UHMK1: variants seen among roughly 807,000 people sequenced by gnomAD.
UHMK1 encodes the protein U2AF homology motif kinase 1.
A neutral mutation model predicts 44.0 loss-of-function variants in UHMK1; 18 were observed. The observed-to-expected ratio is 0.41, with a 90% confidence interval of 0.28 to 0.61. UHMK1 has a LOEUF of 0.61. Among genes scored for constraint, UHMK1 ranks in the 20% least tolerant of loss-of-function variants. UHMK1 has a pLI of 0.31. For missense variants in UHMK1, 463 were observed against 522.5 expected (o/e 0.89, Z 1.11); for synonymous variants, 231 against 198.5 (o/e 1.16, Z -1.38).
In UHMK1 at chr1:162,525,409, C is replaced by T. The variant is rs1303627743; in HGVS notation, c.*2859C>T. On this transcript the variant is annotated 3_prime_UTR_variant, in exon 8 of 8. Transcript: ENST00000489294. ...TTCCCTAAATTAATACCTGTGCTTC[C>T]TTGCCTCTCACCTTCCCAGTTACTT... is the stretch of plus-strand genomic sequence containing the variant. 6.6e-6 allele frequency: 1 copy of T among 152,096 alleles called. No individual in the cohort carries two copies. The highest frequency in any genetic ancestry group is 2.4e-5 in the African/African-American group (1 of 41,388). The allele number at this position is 152,096 out of a possible 1,614,324, so 9.4% of individuals were successfully genotyped here.
intron 4 of UHMK1, among the ~76,000 whole-genome samples, chr1:162,508,382 G>C (rs1651551376): frequency 6.6e-6 from 1 of 151,710 alleles, no homozygotes; most frequent in African/African-American, 2.4e-5. Flanking sequence ...AAAGTGCTGG[G>C]ATTATGAGCG....
At chr1:162,522,345 G>A (rs902554126) in intron 7 of UHMK1, 59 bp from the exon 8 acceptor site, 73 of 1,581,902 alleles carry the variant, frequency 4.6e-5, no homozygotes, top group Non-Finnish European at 6.2e-5. Flanking sequence ...AGGTGGTAAA[G>A]CACTGGTCTA....
At position 162,527,407 on chromosome 1, in the gene UHMK1, GTATT is replaced by G. The variant is rs762542883; in HGVS notation, c.*4860_*4863del. On this transcript the variant is annotated 3_prime_UTR_variant, in exon 8 of 8. Transcript: ENST00000489294. ...AAGAGAAATATCTATAAATCAGAGA[GTATT>G]TAGGAAACTTTGTATTTTATAGGTG... The G allele has an allele frequency of 7.2e-5, 11 of 152,170 alleles. No individual in the cohort carries two copies. The highest frequency in any genetic ancestry group is 1.6e-4 in the Non-Finnish European group (11 of 67,926). The allele number at this position is 152,170 out of a possible 1,614,324, so 9.4% of individuals were successfully genotyped here.
At position 162,498,279 on chromosome 1, in the gene UHMK1, C is replaced by T; in HGVS notation, c.268+11C>T. ...GTCACAGAAACATCGGTAATTGCCG[C>T]TGTCTCCTTTCTCTTCTTGCCCAGG... On this transcript the variant is annotated intron_variant, in intron 1 of 7. Transcript: ENST00000489294. The T allele has an allele frequency of 1.3e-6, 2 of 1,573,982 alleles. No individual in the cohort carries two copies. The highest frequency in any genetic ancestry group is 2.3e-5 in the South Asian group (2 of 85,756).
intron 4 of UHMK1, among the ~76,000 whole-genome samples, chr1:162,504,541 A>G (rs12081867): frequency 0.012 from 1,782 of 152,308 alleles, 39 homozygotes; most frequent in African/African-American, 0.04. Context: ...TTGTAATACA[A>G]TGGTAAGTAT....
intron 3 of UHMK1, among the ~76,000 whole-genome samples, chr1:162,503,235 A>AT (rs1651343301): frequency 6.7e-6 from 1 of 148,386 alleles, no homozygotes; most frequent in Non-Finnish European, 1.5e-5. Context: ...AGATGTTCAT[A>AT]GAGTGCTAGG....
intron 4 of UHMK1, among the ~76,000 whole-genome samples, chr1:162,504,052 C>T (rs1249804419): frequency 6.6e-6 from 1 of 152,138 alleles, no homozygotes; most frequent in Non-Finnish European, 1.5e-5. Flanking sequence ...TGCCTTTTCA[C>T]TGGAAGATAG....
At chr1:162,500,335 G>A (rs1651222501) in intron 2 of UHMK1, 88 bp downstream of exon 2, 1 of 1,416,680 alleles carries the variant, frequency 7.1e-7, no homozygotes, top group Non-Finnish European at 9.4e-7. Flanking sequence ...AGTTTAGTAG[G>A]GGCTTACAAG....
rs777113900 is a variant in UHMK1 at position 162,500,005 on chromosome 1, C to T, written c.319C>T (p.Arg107Cys). 6 of 1,614,094 alleles carry T rather than the reference C, an allele frequency of 3.7e-6. No homozygotes were observed. In the African/African-American group the frequency reaches 4.0e-5, roughly 11 times the overall value. Residue 107 changes from arginine to cysteine, a missense_variant, in exon 2 of 8, where the codon CGC (arginine) becomes TGC (cysteine). Coordinates refer to ENST00000489294, the MANE Select transcript of UHMK1 (RefSeq NM_175866.5). ...CCACTTTTCTCCAAATGTGCCATCA[C>T]GCTGTCTGTTGCTTGAACTCCTGGA... ...TIHFSPNVPSRCLLLELLDVS... is the reference protein window; with the variant it reads ...TIHFSPNVPSCCLLLELLDVS...
chr1:162,500,901 C>T lies in UHMK1; in HGVS notation c.562-12C>T, dbSNP rs1401906466. The T allele has an allele frequency of 6.2e-7, 1 of 1,606,188 alleles. No homozygotes were observed. Among genetic ancestry groups the T allele is most frequent in the South Asian group, 1.1e-5 (1 of 90,504 alleles). Reference sequence around the variant, plus strand: ...TTTTTTATTGGTTGTAATATTTACTCATCTTTTTTAGGATGTAAAGTATAT... The same window carrying T: ...TTTTTTATTGGTTGTAATATTTACTTATCTTTTTTAGGATGTAAAGTATAT... On this transcript the variant is annotated splice_polypyrimidine_tract_variant and intron_variant, in intron 2 of 7. Coordinates refer to ENST00000489294, the MANE Select transcript of UHMK1 (RefSeq NM_175866.5).
rs539862334 is a variant in UHMK1, at chr1:162,527,526, C to T, written c.*4976C>T. The stretch of plus-strand genomic sequence containing the variant: ...TTTTATTCATTTTCCTACCACTCAG[C>T]ACTTTTGTTCTGCCTTGTACTGCTT... On this transcript the variant is annotated 3_prime_UTR_variant, in exon 8 of 8. Coordinates refer to ENST00000489294, the MANE Select transcript of UHMK1 (RefSeq NM_175866.5). 2 of 152,184 alleles carry T rather than the reference C, an allele frequency of 1.3e-5. No homozygotes were observed. Among genetic ancestry groups the T allele is most frequent in the South Asian group, 4.1e-4 (2 of 4,830 alleles). The allele number at this position is 152,184 out of a possible 1,614,324, so 9.4% of individuals were successfully genotyped here.
chr1:162,523,003 G>A lies in UHMK1; in HGVS notation c.*453G>A, dbSNP rs1406093842. On this transcript the variant is annotated 3_prime_UTR_variant, in exon 8 of 8. Transcript: ENST00000489294. The stretch of plus-strand genomic sequence containing the variant: ...CATAAGCTGGCACTGGATGCTCTCA[G>A]TAATGTTAAGTAATTGTCAAGCAGC... 5 of 157,822 alleles carry A rather than the reference G, an allele frequency of 3.2e-5. No homozygotes were observed. The highest frequency in any genetic ancestry group is 1.2e-4 in the African/African-American group (5 of 41,466). The allele number at this position is 157,822 out of a possible 1,614,324, so 9.8% of individuals were successfully genotyped here.
chr1:162,512,406 C>A, intron 4 of UHMK1, 94 bp from the exon 5 acceptor site: 2 of 928,398 alleles, frequency 2.2e-6, no homozygotes, highest in South Asian at 1.6e-5. Context: ...ATAATTAATG[C>A]TGTGATGAAC....
At chr1:162,514,237 C>T (rs565049612) in intron 6 of UHMK1, among the ~76,000 whole-genome samples, 26 of 150,992 alleles carry the variant, frequency 1.7e-4, no homozygotes, top group Non-Finnish European at 3.4e-4. Flanking sequence ...TGCAGTGACC[C>T]GAGATTGCAC....
chr1:162,504,227 TA>T (rs1325703852), intron 4 of UHMK1, among the ~76,000 whole-genome samples: 1 of 152,216 alleles, frequency 6.6e-6, no homozygotes, highest in Non-Finnish European at 1.5e-5. Context: ...GATAGTTTTT[TA>T]TTATACTTTA....
At chr1:162,513,261 T>A (rs1000325456) in intron 6 of UHMK1, among the ~76,000 whole-genome samples, 1 of 152,212 alleles carries the variant, frequency 6.6e-6, no homozygotes, top group Non-Finnish European at 1.5e-5. Flanking sequence ...TAATTCATAA[T>A]GTCCTTTTGA....
In UHMK1 at chr1:162,518,129, G is replaced by A; in HGVS notation, c.1052G>A (p.Cys351Tyr). The change falls in exon 7 of 8, where the codon TGT (cysteine) becomes TAT (tyrosine). Residue 351 changes from cysteine (C) to tyrosine (Y), a missense_variant. Coordinates refer to ENST00000489294, the MANE Select transcript of UHMK1 (RefSeq NM_175866.5). ...GTTGTAGAAGATGTAAAAGAGGAGT[G>A]TCAAAAATATGGACCAGTGGTATCT... is the stretch of plus-strand genomic sequence containing the variant. ...EDVVEDVKEE[C>Y]QKYGPVVSLL... is the part of the protein sequence containing the mutation. 6.2e-7 allele frequency: 1 copy of A among 1,613,186 alleles called. No homozygotes were observed. The highest frequency in any genetic ancestry group is 8.5e-7 in the Non-Finnish European group (1 of 1,179,304).
chr1:162,501,184 T>G, intron 3 of UHMK1, 80 bp downstream of exon 3: 1 of 1,243,370 alleles, frequency 8.0e-7, no homozygotes, highest in Non-Finnish European at 1.1e-6. Flanking sequence ...TTTTTTTTTC[T>G]TTTGAGATGG....
rs773155400 is a variant in UHMK1 at position 162,497,952 on chromosome 1, G to C, written c.-49G>C. 1 of 1,446,588 alleles carries C rather than the reference G, an allele frequency of 6.9e-7. No homozygotes were observed. The highest frequency in any genetic ancestry group is 9.1e-7 in the Non-Finnish European group (1 of 1,100,514). The allele number at this position is 1,446,588 out of a possible 1,614,324, so 89.6% of individuals were successfully genotyped here. ...ATGTGACCGCGGGCCCGGCCGGCCT[G>C]CCTCAGGCGTCGCGTCAGCTCCCGT... On this transcript the variant is annotated 5_prime_UTR_variant, in exon 1 of 8. Transcript: ENST00000489294.
Sources: gnomAD v4.1 joint callset for allele counts (sites outside exome capture counted in the v4.1 genomes callset) on GRCh38, gnomAD v4.1.1 for gene constraint, MANE v1.5 for transcripts, NCBI Gene and HGNC (gene_info 2026-07-23, HGNC 2026-07-21) for gene names.